CFTR: variants seen among roughly 807,000 people sequenced by gnomAD.
CFTR encodes cystic fibrosis transmembrane conductance regulator.
Under a neutral mutation model 171.6 loss-of-function variants are expected in CFTR, and 181 were observed. The ratio of observed to expected loss-of-function variants is 1.05; its 90% CI spans 0.93 to 1.19. The LOEUF is 1.19. CFTR is among the 50% of genes most tolerant of loss of function. CFTR has a pLI of 0.00. For synonymous variants in CFTR, 583 were observed against 608.0 expected (o/e 0.96, Z 0.60); for missense variants, 1,968 against 1,734.7 (o/e 1.13, Z -2.39).
chr7:117,564,960 C>T (rs1791577418), intron 11 of CFTR, among the ~76,000 whole-genome samples: 1 of 152,306 alleles, frequency 6.6e-6, no homozygotes, highest in South Asian at 2.1e-4. Flanking sequence ...AATGTACAGC[C>T]ATGAGTGAGA....
rs534249912 is a variant in CFTR at position 117,562,708 on chromosome 7, C to A, written c.1584+3053C>A. Among the ~76,000 whole-genome samples the A allele has an allele frequency of 2.0e-5, 3 of 152,210 alleles. No homozygotes were observed. The East Asian group carries it at 5.8e-4, about 29-fold the overall frequency. ...TTGTAGGCTGGTTGGGGGAAAGAGA[C>A]CATTTCAATATGAAGTGCTGAGCTA... is the stretch of plus-strand genomic sequence containing the variant. On this transcript the variant is annotated intron_variant, in intron 11 of 26. Coordinates refer to ENST00000003084, the MANE Select transcript of CFTR (RefSeq NM_000492.4).
At chr7:117,664,498 C>A (rs1198452808) in intron 24 of CFTR, among the ~76,000 whole-genome samples, 190 bp from the exon 25 acceptor site, 1 of 152,172 alleles carries the variant, frequency 6.6e-6, no homozygotes, top group Non-Finnish European at 1.5e-5. Flanking sequence ...AAGTTATAGA[C>A]TGATTCTTTT....
intron 11 of CFTR, among the ~76,000 whole-genome samples, chr7:117,566,311 TG>T (rs550140434): frequency 6.6e-6 from 1 of 151,626 alleles, no homozygotes; most frequent in South Asian, 2.1e-4. Flanking sequence ...GGTGCACGTT[TG>T]TAGTCCAAGC....
chr7:117,566,248 A>AACACACAC (rs71314621), intron 11 of CFTR, among the ~76,000 whole-genome samples: 4,448 of 138,822 alleles, frequency 0.032, 94 homozygotes, highest in Non-Finnish European at 0.037. Context: ...AGCCTACTAA[A>AACACACAC]ACACACACAC....
rs370181570 is a variant in CFTR, at chr7:117,606,738, A to G, written c.2973A>G (p.Ile991Met). Residue 991 changes from isoleucine to methionine, a missense_variant, in exon 18 of 27, where the codon ATA becomes ATG. Coordinates refer to ENST00000003084, the MANE Select transcript of CFTR (RefSeq NM_000492.4). ...TGGATGACCTTCTGCCTCTTACCAT[A>G]TTTGACTTCATCCAGGTATGTAAAA... ...AILDDLLPLT[I>M]FDFIQLLLIV... 29 of 1,571,094 alleles carry G rather than the reference A, an allele frequency of 1.8e-5. No homozygotes were observed. The highest frequency in any genetic ancestry group is 2.5e-5 in the Non-Finnish European group (29 of 1,141,312).
intron 1 of CFTR, among the ~76,000 whole-genome samples, chr7:117,483,721 C>T (rs572818166): frequency 1.3e-5 from 2 of 151,912 alleles, no homozygotes; most frequent in South Asian, 4.2e-4. Flanking sequence ...TGTGTACCAC[C>T]ATGCCTGGCT....
At chr7:117,487,952 C>G (rs1216336943) in intron 1 of CFTR, 1 of 152,112 alleles carries the variant, frequency 6.6e-6, no homozygotes, top group African/African-American at 2.4e-5. Context: ...AACCACAGTT[C>G]TAGAGGAAGC....
In CFTR at chr7:117,542,166, A is replaced by G. The variant is rs1030967063; in HGVS notation, c.1209+58A>G. Reference sequence around the variant, plus strand: ...CACCTAACTGTTTTCTTCTTTGTGAATATGGATTTCATCCTAATGGCGAAT... The same window carrying G: ...CACCTAACTGTTTTCTTCTTTGTGAGTATGGATTTCATCCTAATGGCGAAT... On this transcript the variant is annotated intron_variant, in intron 9 of 26. Coordinates refer to ENST00000003084, the MANE Select transcript of CFTR (RefSeq NM_000492.4). 7 of 839,700 alleles carry G rather than the reference A, an allele frequency of 8.3e-6. No individual in the cohort carries two copies. In the African/African-American group the frequency reaches 1.0e-4, roughly 12 times the overall value. The allele number at this position is 839,700 out of a possible 1,614,324, so 52.0% of individuals were successfully genotyped here.
chr7:117,559,628 C>T lies in CFTR; in HGVS notation c.1557C>T (p.Ser519=), dbSNP rs757736710. ...CCTATGATGAATATAGATACAGAAG[C>T]GTCATCAAAGCATGCCAACTAGAAG... ...GVSYDEYRYR[S]VIKACQLEED... The change falls in exon 11 of 27, where the codon AGC becomes AGT. Residue 519 remains serine, a synonymous_variant. Coordinates refer to ENST00000003084, the MANE Select transcript of CFTR (RefSeq NM_000492.4). 2.5e-5 allele frequency: 40 copies of T among 1,612,934 alleles called. No homozygotes were observed. The highest frequency in any genetic ancestry group is 2.9e-5 in the Non-Finnish European group (34 of 1,179,384).
intron 22 of CFTR, among the ~76,000 whole-genome samples, chr7:117,632,194 G>A (rs771194394): frequency 3.9e-4 from 60 of 152,050 alleles, no homozygotes; most frequent in Non-Finnish European, 2.9e-4. Context: ...GGGTGTGAAC[G>A]GGGTCTGAGT....
chr7:117,609,808 AT>A (rs1216491746), intron 18 of CFTR, among the ~76,000 whole-genome samples: 1 of 152,174 alleles, frequency 6.6e-6, no homozygotes, highest in African/African-American at 2.4e-5. Context: ...AAATGTATTT[AT>A]CATGCAATAC....
At chr7:117,612,031 A>ATATATATATATG (rs1792406181) in intron 20 of CFTR, among the ~76,000 whole-genome samples, 8 of 75,114 alleles carry the variant, frequency 1.1e-4, no homozygotes, top group African/African-American at 4.0e-4. Context: ...ATGTATATAT[A>ATATATATATATG]TATATATATA....
intron 26 of CFTR, 27 bp downstream of exon 26, chr7:117,665,591 T>A (rs1793362134): frequency 2.3e-6 from 3 of 1,311,444 alleles, no homozygotes; most frequent in South Asian, 1.2e-5. Flanking sequence ...TTACTTAAGA[T>A]CTCATTGCCC....
intron 2 of CFTR, 142 bp downstream of exon 2, chr7:117,504,505 A>T: frequency 1.6e-6 from 1 of 619,082 alleles, no homozygotes; most frequent in Non-Finnish European, 2.9e-6. Context: ...TGTAATCCCA[A>T]CTATTTGGGA....
At position 117,587,404 on chromosome 7, in the gene CFTR, T is replaced by A. The variant is rs550979746; in HGVS notation, c.1585-335T>A. 2.6e-5 allele frequency among the ~76,000 whole-genome samples: 4 copies of A among 152,288 alleles called. 1 individual carries two copies. The South Asian group carries it at 8.3e-4, about 32-fold the overall frequency. The stretch of plus-strand genomic sequence containing the variant: ...GTACATTTTAGTATGTTGATAACAT[T>A]TGAATTTGTAAAATGGACCTATGGA... On this transcript the variant is annotated intron_variant, in intron 11 of 26. Coordinates refer to ENST00000003084, the MANE Select transcript of CFTR (RefSeq NM_000492.4).
chr7:117,495,069 T>G lies in CFTR; in HGVS notation c.54-9184T>G, dbSNP rs1036646136. Among the ~76,000 whole-genome samples the G allele has an allele frequency of 3.5e-4, 54 of 152,282 alleles. 1 individual carries two copies. The highest frequency in any genetic ancestry group is 3.4e-3 in the Middle Eastern group (1 of 294). ...TCCATTTCCCCTTTTCCTTATTTTC[T>G]TGGTTTCAAATATATTTTTATTGCC... On this transcript the variant is annotated intron_variant, in intron 1 of 26. Transcript: ENST00000003084.
chr7:117,544,407 T>C (rs963570455), intron 9 of CFTR, among the ~76,000 whole-genome samples: 2 of 152,216 alleles, frequency 1.3e-5, no homozygotes, highest in African/African-American at 4.8e-5. Context: ...AAAATTCCCG[T>C]CTTTTCTCAG....
intron 21 of CFTR, among the ~76,000 whole-genome samples, chr7:117,619,348 G>A (rs1449985615): frequency 1.3e-5 from 2 of 152,170 alleles, no homozygotes; most frequent in African/African-American, 2.4e-5. Flanking sequence ...AGGGTGACAA[G>A]GTGATGCTTC....
intron 11 of CFTR, among the ~76,000 whole-genome samples, chr7:117,568,346 T>C (rs542658844): frequency 6.6e-6 from 1 of 152,248 alleles, no homozygotes; most frequent in African/African-American, 2.4e-5. Flanking sequence ...TTTACAAAGA[T>C]TGTCATTGAC....
Sources: allele counts gnomAD v4.1 joint callset (sites outside exome capture counted in the v4.1 genomes callset), GRCh38; gene constraint gnomAD v4.1.1; transcripts MANE v1.5; gene names NCBI Gene and HGNC (gene_info 2026-07-23, HGNC 2026-07-21).